The following CELF4 variants were observed in gnomAD, a reference collection of about 807,000 sequenced individuals.
The protein encoded by CELF4 is CUG-BP- and ETR-3-like factor 4.
In CELF4, 18 loss-of-function variants were observed where a neutral mutation model predicts 59.9. The observed-to-expected ratio is 0.30, with a 90% confidence interval of 0.21 to 0.45. The LOEUF (loss-of-function observed/expected upper bound fraction) is 0.45, where lower values mean the gene tolerates loss of function less well. Ranked by LOEUF, CELF4 falls within the 20% of genes least tolerant of loss-of-function variation. CELF4 has a pLI of 1.00. For missense variants in CELF4, 456 were observed against 689.0 expected, an observed-to-expected ratio of 0.66 and a Z score of 3.79; for synonymous variants, 261 against 267.1, an observed-to-expected ratio of 0.98 and a Z score of 0.22.
intron 1 of CELF4, among the ~76,000 whole-genome samples, chr18:37,543,185 G>A (rs1387119175): frequency 6.6e-6 from 1 of 152,294 alleles, no homozygotes; most frequent in South Asian, 2.1e-4. Flanking sequence ...AGGGTTAGAG[G>A]CTGTGAAACA....
At chr18:37,381,506 C>T (rs1468965621) in intron 2 of CELF4, among the ~76,000 whole-genome samples, 1 of 151,976 alleles carries the variant, frequency 6.6e-6, no homozygotes, top group Non-Finnish European at 1.5e-5. Context: ...TGCAGGCACC[C>T]TAGGGTAGGG....
intron 2 of CELF4, among the ~76,000 whole-genome samples, chr18:37,356,803 T>C (rs1477607280): frequency 6.6e-6 from 1 of 152,336 alleles, no homozygotes; most frequent in East Asian, 1.9e-4. Context: ...CCTTGGTCTC[T>C]CTGACCCTGA....
At chr18:37,538,143 G>A (rs1480427572) in intron 1 of CELF4, among the ~76,000 whole-genome samples, 1 of 152,228 alleles carries the variant, frequency 6.6e-6, no homozygotes, top group East Asian at 1.9e-4. Context: ...CGGGGTGGGA[G>A]GGCGGCCTCC....
rs533255875 is a variant in CELF4, at chr18:37,264,264, T to C, written c.1249+410A>G. ...CCTCTGCTAGGTTCTGCTTAAGGGA[T>C]GGTTCAAGGGCTTGCCAAGGAAGAA... On this transcript the variant is annotated intron_variant, in intron 10 of 12. Coordinates refer to ENST00000420428, the MANE Select transcript of CELF4 (RefSeq NM_020180.4). Among the ~76,000 whole-genome samples the C allele has an allele frequency of 2.6e-5, 4 of 152,314 alleles. No homozygotes were observed. The South Asian group carries it at 8.3e-4, about 32-fold the overall frequency.
intron 1 of CELF4, among the ~76,000 whole-genome samples, chr18:37,495,701 G>A (rs1392237152): frequency 1.3e-5 from 2 of 152,030 alleles, no homozygotes; most frequent in African/African-American, 4.8e-5. Flanking sequence ...TTTCACAGAG[G>A]GAGTGCCTTC....
intron 2 of CELF4, among the ~76,000 whole-genome samples, chr18:37,449,814 C>A (rs1427268884): frequency 1.3e-5 from 2 of 152,216 alleles, no homozygotes; most frequent in Admixed American, 1.3e-4. Flanking sequence ...GGCCCTGGGG[C>A]ATGTGGGAAC....
intron 2 of CELF4, among the ~76,000 whole-genome samples, chr18:37,448,399 C>T (rs9304170): frequency 0.36 from 55,084 of 152,142 alleles, 10,637 homozygotes; most frequent in East Asian, 0.64. Context: ...TGCACAGAAG[C>T]CTCCCTGACT....
chr18:37,542,027 G>A (rs1333962551), intron 1 of CELF4, among the ~76,000 whole-genome samples: 2 of 152,138 alleles, frequency 1.3e-5, no homozygotes, highest in Non-Finnish European at 2.9e-5. Context: ...GACTCCAGCA[G>A]TGGCACAGAG....
chr18:37,291,810 C>T (rs80204658), intron 3 of CELF4, among the ~76,000 whole-genome samples: 1 of 152,118 alleles, frequency 6.6e-6, no homozygotes. Context: ...CTCTACTATA[C>T]CCATAATCAG....
At chr18:37,537,959 A>G (rs2099974869) in intron 1 of CELF4, among the ~76,000 whole-genome samples, 1 of 152,226 alleles carries the variant, frequency 6.6e-6, no homozygotes, top group Non-Finnish European at 1.5e-5. Context: ...ATTGGGGCAC[A>G]GACATTTGTG....
intron 6 of CELF4, chr18:37,273,396 C>G (rs2092236197): frequency 4.7e-6 from 6 of 1,272,854 alleles, no homozygotes; most frequent in Non-Finnish European, 6.0e-6. Flanking sequence ...GTCTTTGGAA[C>G]TCCAAAGTTG....
intron 2 of CELF4, among the ~76,000 whole-genome samples, chr18:37,329,150 T>C (rs1221809177): frequency 6.6e-6 from 1 of 152,210 alleles, no homozygotes; most frequent in Non-Finnish European, 1.5e-5. Context: ...TTTCACAGTT[T>C]GTATTTTGTG....
intron 3 of CELF4, among the ~76,000 whole-genome samples, chr18:37,313,786 G>A (rs2096761840): frequency 6.6e-6 from 1 of 152,238 alleles, no homozygotes; most frequent in African/African-American, 2.4e-5. Flanking sequence ...TACAGATGGT[G>A]GAGGGGCCAG....
chr18:37,539,471 AAACACAC>A (rs2099976146), intron 1 of CELF4, among the ~76,000 whole-genome samples: 1 of 89,162 alleles, frequency 1.1e-5, no homozygotes, highest in African/African-American at 8.8e-5. Context: ...ACACACACAC[AAACACAC>A]ACACACACAC....
rs187266576 is a variant in CELF4 at position 37,558,881 on chromosome 18, A to G, written c.286+6475T>C. On this transcript the variant is annotated intron_variant, in intron 1 of 12. Transcript: ENST00000420428. ...CTGGAATACCAAGAGGCAGTGAGTA[A>G]GGTGGGAAATGCAGTGGGTGAAGGG... Among the ~76,000 whole-genome samples, 5 of 151,790 alleles carry G rather than the reference A, an allele frequency of 3.3e-5. No individual in the cohort carries two copies. The East Asian group carries it at 9.8e-4, about 30-fold the overall frequency.
chr18:37,275,169 A>C lies in CELF4; in HGVS notation c.523T>G (p.Phe175Val). Residue 175 changes from phenylalanine to valine, a missense_variant, in exon 4 of 13, where the codon TTT becomes GTT. Around this residue, in one of 7 missense-constraint regions of CELF4, gnomAD observed 56 missense variants for 92.0 expected, o/e 0.61. Transcript: ENST00000420428. ...EDDVRRLFEA[F>V]GNIEECTILR... ...ATGGTGCACTCCTCGATGTTCCCAAAGGCCTCGAAAAGGCGGCGCACGTCG... is the reference window on the plus strand; with the variant it reads ...ATGGTGCACTCCTCGATGTTCCCAACGGCCTCGAAAAGGCGGCGCACGTCG... 6.2e-7 allele frequency: 1 copy of C among 1,613,614 alleles called. No homozygotes were observed. Among genetic ancestry groups the C allele is most frequent in the South Asian group, 1.1e-5 (1 of 91,068 alleles).
intron 10 of CELF4, among the ~76,000 whole-genome samples, 200 bp downstream of exon 10, chr18:37,264,474 T>C (rs1309145111): frequency 6.6e-6 from 1 of 152,258 alleles, no homozygotes; most frequent in Non-Finnish European, 1.5e-5. Context: ...TGTACAGAGC[T>C]GTCCACAAGA....
chr18:37,423,083 G>GAC (rs2099589665), intron 2 of CELF4, among the ~76,000 whole-genome samples: 3 of 56,580 alleles, frequency 5.3e-5, no homozygotes, highest in African/African-American at 1.2e-4. Context: ...CACACACACA[G>GAC]AGACAGAGAG....
chr18:37,259,056 C>G, intron 11 of CELF4, 125 bp downstream of exon 11: 2 of 1,487,096 alleles, frequency 1.3e-6, no homozygotes, highest in Non-Finnish European at 1.8e-6. Context: ...AGTCGGACAC[C>G]GGTAGGTTGG....
Sources: gnomAD v4.1 joint callset for allele counts (sites outside exome capture counted in the v4.1 genomes callset) on GRCh38, gnomAD v4.1.1 for gene constraint, gnomAD v4.1.1 regional missense constraint, MANE v1.5 for transcripts, NCBI Gene and HGNC (gene_info 2026-07-23, HGNC 2026-07-21) for gene names.